NTN1: variants seen among roughly 807,000 people sequenced by gnomAD.
NTN1 encodes the protein netrin 1.
A neutral mutation model predicts 54.2 loss-of-function variants in NTN1; 11 were observed. The observed-to-expected ratio is 0.20, with a 90% CI of 0.13 to 0.34. NTN1 has a LOEUF of 0.34. Among genes scored for constraint, NTN1 ranks in the 10% least tolerant of loss-of-function variants. The pLI, the probability that NTN1 is intolerant of heterozygous loss-of-function variation, is 1.00. For synonymous variants in NTN1, 371 were observed against 382.0 expected, an observed-to-expected ratio of 0.97 and a Z score of 0.33; for missense variants, 740 against 893.1, an observed-to-expected ratio of 0.83 and a Z score of 2.18.
At chr17:9,223,584 G>A (rs1448879534) in intron 6 of NTN1, among the ~76,000 whole-genome samples, 3 of 151,748 alleles carry the variant, frequency 2.0e-5, no homozygotes, top group Non-Finnish European at 2.9e-5. Context: ...GAGCTCATAT[G>A]GCCCCGGAGC....
the NTN1 span, among the ~76,000 whole-genome samples, chr17:9,005,191 C>T: frequency 6.6e-6 from 1 of 152,158 alleles, no homozygotes; most frequent in East Asian, 1.9e-4. Context: ...CTGCCTCCAC[C>T]CACCCCTTGT....
At chr17:9,023,795 G>GCCCA (rs2091861684) in intron 2 of NTN1, among the ~76,000 whole-genome samples, 1 of 152,244 alleles carries the variant, frequency 6.6e-6, no homozygotes, top group Non-Finnish European at 1.5e-5. Flanking sequence ...GGGGACCCCG[G>GCCCA]CCCAGTTCCT....
intron 2 of NTN1, among the ~76,000 whole-genome samples, chr17:9,087,798 A>G (rs1198665332): frequency 1.3e-5 from 2 of 152,190 alleles, no homozygotes; most frequent in African/African-American, 4.8e-5. Context: ...AACGGCTTTC[A>G]CATAAAGCCA....
chr17:9,163,101 C>A, intron 3 of NTN1, 100 bp downstream of exon 3: 1 of 1,240,568 alleles, frequency 8.1e-7, no homozygotes, highest in Non-Finnish European at 1.1e-6. Flanking sequence ...CCAGTCTGTA[C>A]AAATTGGCGT....
At chr17:9,104,175 A>G (rs184716217) in intron 2 of NTN1, among the ~76,000 whole-genome samples, 4 of 151,886 alleles carry the variant, frequency 2.6e-5, no homozygotes, top group African/African-American at 4.8e-5. Context: ...TACAGACAGA[A>G]AGCAGAATGG....
Position 9,221,147 on chromosome 17 carries a change from T to TCCA in NTN1, c.1412-19_1412-18insACC. On this transcript the variant is annotated intron_variant, in intron 5 of 6. Coordinates refer to ENST00000173229, the MANE Select transcript of NTN1 (RefSeq NM_004822.3). The surrounding 1 kb of genome is among the most constrained non-coding windows in gnomAD (Gnocchi z 4.5). Reference sequence around the variant, plus strand: ...CAGCCTAATTAGTTTTTGTCTGTGCTCCCCCCCCACCCCCCTGCAGACTGC... The same window carrying TCCA: ...CAGCCTAATTAGTTTTTGTCTGTGCTCCACCCCCCCCACCCCCCTGCAGACTGC... The TCCA allele has an allele frequency of 7.7e-7, 1 of 1,303,814 alleles. No individual in the cohort carries two copies. The highest frequency in any genetic ancestry group is 2.1e-5 in the Admixed American group (1 of 47,744). The allele number at this position is 1,303,814 out of a possible 1,614,324, so 80.8% of individuals were successfully genotyped here.
intron 2 of NTN1, among the ~76,000 whole-genome samples, chr17:9,035,247 G>A (rs537269624): frequency 1.4e-4 from 21 of 152,170 alleles, no homozygotes; most frequent in African/African-American, 5.1e-4. Flanking sequence ...TGCCCAGACG[G>A]GTTTTGATTA....
intron 2 of NTN1, among the ~76,000 whole-genome samples, chr17:9,139,749 C>A (rs1262790935): frequency 6.6e-6 from 1 of 152,142 alleles, no homozygotes; most frequent in African/African-American, 2.4e-5. Context: ...AATGTATTTA[C>A]CATTATGAAT....
At chr17:9,075,492 AAAAC>A (rs1000688910) in intron 2 of NTN1, among the ~76,000 whole-genome samples, 5 of 152,148 alleles carry the variant, frequency 3.3e-5, no homozygotes, top group Non-Finnish European at 4.4e-5. Flanking sequence ...AACAAAAACA[AAAAC>A]AAAACAAACA....
At position 9,241,274 on chromosome 17, in the gene NTN1, G is replaced by C. The variant is rs1906204201; in HGVS notation, c.*1306G>C. On this transcript the variant is annotated 3_prime_UTR_variant, in exon 7 of 7. Transcript: ENST00000173229. ...GCCCCCTACAGCTGTCTTGGGTCTGGCCTGGGCCACACCTTGACCGTGCCT... is the reference window on the plus strand; with the variant it reads ...GCCCCCTACAGCTGTCTTGGGTCTGCCCTGGGCCACACCTTGACCGTGCCT... 6.6e-6 allele frequency: 1 copy of C among 152,434 alleles called. No individual in the cohort carries two copies. Among genetic ancestry groups the C allele is most frequent in the Non-Finnish European group, 1.5e-5 (1 of 68,204 alleles). The allele number at this position is 152,434 out of a possible 1,614,324, so 9.4% of individuals were successfully genotyped here.
chr17:9,237,615 G>C (rs1051672086), intron 6 of NTN1, among the ~76,000 whole-genome samples: 11 of 152,170 alleles, frequency 7.2e-5, no homozygotes, highest in African/African-American at 2.7e-4. Context: ...AGCCCATGCT[G>C]GCTGGGGACA....
chr17:9,011,180 G>A, the NTN1 span, among the ~76,000 whole-genome samples: 2 of 152,218 alleles, frequency 1.3e-5, no homozygotes, highest in Admixed American at 6.5e-5. Context: ...AAATACAGAC[G>A]AAGCTTAGCT....
intron 5 of NTN1, among the ~76,000 whole-genome samples, chr17:9,209,022 A>G (rs548767643): frequency 1.2e-4 from 19 of 152,360 alleles, no homozygotes; most frequent in Admixed American, 2.6e-4. Context: ...TCAGCTGCAG[A>G]GTCGGAGGCC....
At chr17:9,055,882 T>G (rs1161359637) in intron 2 of NTN1, among the ~76,000 whole-genome samples, 1 of 151,928 alleles carries the variant, frequency 6.6e-6, no homozygotes, top group Non-Finnish European at 1.5e-5. Context: ...CCATTATGCC[T>G]GGCTAATTTT....
chr17:9,113,616 C>T (rs35769642), intron 2 of NTN1, among the ~76,000 whole-genome samples: 9,461 of 152,116 alleles, frequency 0.062, 414 homozygotes, highest in Non-Finnish European at 0.095. Flanking sequence ...TTTCTTTGTG[C>T]AATCCAAGCA....
At chr17:9,042,393 A>C (rs576837269) in intron 2 of NTN1, among the ~76,000 whole-genome samples, 64 of 152,078 alleles carry the variant, frequency 4.2e-4, no homozygotes, top group African/African-American at 1.4e-3. Context: ...CTGAGGCAGG[A>C]AGATTGCACG....
intron 2 of NTN1, among the ~76,000 whole-genome samples, chr17:9,056,435 T>A (rs2091979757): frequency 6.6e-6 from 1 of 152,122 alleles, no homozygotes; most frequent in East Asian, 1.9e-4. Flanking sequence ...AATTTTGAGG[T>A]CTATGGGAAG....
At chr17:9,017,731 G>A (rs78499713), upstream of NTN1, among the ~76,000 whole-genome samples, 2,270 of 152,244 alleles carry the variant, frequency 0.015, 18 homozygotes, top group Non-Finnish European at 0.022. Context: ...TGTGGATCCC[G>A]CTGCTTAGAG....
At chr17:9,029,620 A>G (rs997292473) in intron 2 of NTN1, among the ~76,000 whole-genome samples, 2 of 152,268 alleles carry the variant, frequency 1.3e-5, no homozygotes, top group African/African-American at 4.8e-5. Context: ...TAGTGAGCTC[A>G]GTATTGCATT....
Sources: allele counts gnomAD v4.1 joint callset (sites outside exome capture counted in the v4.1 genomes callset), GRCh38; gene constraint gnomAD v4.1.1; non-coding constraint Gnocchi (gnomAD v3.1); transcripts MANE v1.5; gene names NCBI Gene and HGNC (gene_info 2026-07-23, HGNC 2026-07-21).